The following LARP4 variants were observed in gnomAD, a reference collection of about 807,000 sequenced individuals.
The protein encoded by LARP4 is La ribonucleoprotein 4, also known as la-related protein 4.
Under a neutral mutation model 92.9 loss-of-function variants are expected in LARP4, and 29 were observed. The observed-to-expected ratio is 0.31, with a 90% confidence interval of 0.23 to 0.43. The LOEUF (loss-of-function observed/expected upper bound fraction) is 0.43. Ranked by LOEUF, LARP4 falls within the 20% of genes least tolerant of loss-of-function variation. The pLI is 1.00. For missense variants in LARP4, 732 were observed against 860.0 expected (o/e 0.85, Z 1.86); for synonymous variants, 279 against 284.1 (o/e 0.98, Z 0.18).
chr12:50,410,693 G>A (rs1316196718), intron 1 of LARP4, among the ~76,000 whole-genome samples: 5 of 151,944 alleles, frequency 3.3e-5, no homozygotes, highest in Admixed American at 2.0e-4. Flanking sequence ...CGTGAGCCAC[G>A]GTACCCGGCC....
At chr12:50,410,391 A>C (rs1373846873) in intron 1 of LARP4, among the ~76,000 whole-genome samples, 1 of 151,298 alleles carries the variant, frequency 6.6e-6, no homozygotes, top group East Asian at 1.9e-4. Context: ...GACGTCTATT[A>C]ATACAGGATT....
intron 8 of LARP4, among the ~76,000 whole-genome samples, chr12:50,450,766 G>A (rs1409770745): frequency 6.6e-6 from 1 of 152,164 alleles, no homozygotes; most frequent in Non-Finnish European, 1.5e-5. Context: ...CTCCCAAAGT[G>A]CTAGGATTAC....
chr12:50,462,746 G>A, intron 12 of LARP4, 116 bp downstream of exon 12: 1 of 678,730 alleles, frequency 1.5e-6, no homozygotes, highest in Non-Finnish European at 2.5e-6. Flanking sequence ...CTTCAGCAAA[G>A]GTAAATAGAG....
intron 10 of LARP4, among the ~76,000 whole-genome samples, chr12:50,459,458 T>A (rs1032962990): frequency 6.6e-6 from 1 of 152,194 alleles, no homozygotes; most frequent in African/African-American, 2.4e-5. Context: ...TATCTGTGCT[T>A]TATACATAAA....
At chr12:50,462,521 TGAA>T in intron 11 of LARP4, 58 bp from the exon 12 acceptor site, 1 of 954,170 alleles carries the variant, frequency 1.0e-6, no homozygotes, top group Non-Finnish European at 1.6e-6. Context: ...TGTATATATC[TGAA>T]GAAACTTATG....
At chr12:50,410,104 AG>A (rs1945593081) in intron 1 of LARP4, among the ~76,000 whole-genome samples, 1 of 149,942 alleles carries the variant, frequency 6.7e-6, no homozygotes, top group Non-Finnish European at 1.5e-5. Context: ...AAAAAAAAAA[AG>A]AACTATTTTG....
chr12:50,450,674 A>AT (rs1417412348), intron 8 of LARP4, among the ~76,000 whole-genome samples: 4 of 151,788 alleles, frequency 2.6e-5, no homozygotes, highest in Non-Finnish European at 5.9e-5. Context: ...AATTTTTTGT[A>AT]TTTTTTTAGT....
At chr12:50,450,365 T>C (rs191147790) in intron 8 of LARP4, among the ~76,000 whole-genome samples, 7 of 152,302 alleles carry the variant, frequency 4.6e-5, no homozygotes, top group Admixed American at 3.9e-4. Context: ...GAAATGGTAT[T>C]TTGTGGACCA....
At position 50,479,715 on chromosome 12, in the gene LARP4, C is replaced by T. The variant is rs897383521; in HGVS notation, c.*3851C>T. On this transcript the variant is annotated 3_prime_UTR_variant, in exon 16 of 16. Transcript: ENST00000398473. ...TTATTTTCAGTTTTGCAGCACAGAA[C>T]ACTGTTGAAATATCCATATCAACTT... 3.3e-5 allele frequency: 5 copies of T among 152,138 alleles called. No individual in the cohort carries two copies. Among genetic ancestry groups the T allele is most frequent in the African/African-American group, 1.2e-4 (5 of 41,422 alleles). The allele number at this position is 152,138 out of a possible 1,614,324, so 9.4% of individuals were successfully genotyped here. A position where few individuals can be genotyped will look rare whatever the true frequency, so the allele number is the denominator to read the frequency against.
At chr12:50,407,403 CAT>C (rs2136293005) in intron 1 of LARP4, among the ~76,000 whole-genome samples, 1 of 152,290 alleles carries the variant, frequency 6.6e-6, no homozygotes, top group South Asian at 2.1e-4. Flanking sequence ...TTGTTACTAA[CAT>C]ACTCTGATTT....
At chr12:50,447,859 C>T (rs1432461978) in intron 8 of LARP4, among the ~76,000 whole-genome samples, 1 of 150,496 alleles carries the variant, frequency 6.6e-6, no homozygotes, top group Non-Finnish European at 1.5e-5. Flanking sequence ...CCGCACCACT[C>T]CCCCCCCATT....
rs995593154 is a variant in LARP4, at chr12:50,414,044, A to G, written c.18+13016A>G. On this transcript the variant is annotated intron_variant, in intron 1 of 15. Transcript: ENST00000398473. ...TAGAATTTTTGGATCAAAATTGTGT[A>G]TTTAAGGCTTTTAATAAACATTGCC... is the stretch of plus-strand genomic sequence containing the variant. 3.9e-5 allele frequency among the ~76,000 whole-genome samples: 6 copies of G among 152,278 alleles called. No homozygotes were observed. The East Asian group carries it at 1.2e-3, about 29-fold the overall frequency.
intron 1 of LARP4, among the ~76,000 whole-genome samples, chr12:50,420,539 A>C (rs111271425): frequency 1.3e-5 from 2 of 152,212 alleles, no homozygotes; most frequent in South Asian, 4.1e-4. Flanking sequence ...TAGACTTTTA[A>C]TGATCGTAAA....
chr12:50,429,306 C>T (rs974000412), intron 3 of LARP4, among the ~76,000 whole-genome samples: 95 of 151,964 alleles, frequency 6.3e-4, no homozygotes, highest in African/African-American at 2.2e-3. Flanking sequence ...TAAAGGAAAG[C>T]GTGAAATTAA....
intron 13 of LARP4, among the ~76,000 whole-genome samples, chr12:50,471,531 G>A (rs771339356): frequency 2.0e-5 from 3 of 152,026 alleles, no homozygotes; most frequent in African/African-American, 7.2e-5. Flanking sequence ...AAAGTCTTTC[G>A]AGTGTTTTTT....
chr12:50,459,941 A>G (rs1593340923), intron 10 of LARP4, among the ~76,000 whole-genome samples: 1 of 151,990 alleles, frequency 6.6e-6, no homozygotes, highest in African/African-American at 2.4e-5. Context: ...GTTCAAGACC[A>G]GCCTGGCCAA....
rs577063965 is a variant in LARP4 at position 50,470,495 on chromosome 12, G to A, written c.1546-2920G>A. Among the ~76,000 whole-genome samples the A allele has an allele frequency of 1.3e-4, 19 of 151,198 alleles. 1 individual carries two copies. Among genetic ancestry groups the A allele is most frequent in the African/African-American group, 4.9e-5 (2 of 41,186 alleles). On this transcript the variant is annotated intron_variant, in intron 13 of 15. Transcript: ENST00000398473. ...GTTGCCCAGGCTGGAGTGCAGTGGCGCGATCTCGGCTCACTGCAACCTCCA... is the reference window on the plus strand; with the variant it reads ...GTTGCCCAGGCTGGAGTGCAGTGGCACGATCTCGGCTCACTGCAACCTCCA...
At chr12:50,437,549 T>C (rs2137484845) in intron 5 of LARP4, among the ~76,000 whole-genome samples, 186 bp from the exon 6 acceptor site, 1 of 152,328 alleles carries the variant, frequency 6.6e-6, no homozygotes, top group East Asian at 1.9e-4. Flanking sequence ...CAGTGTTCTT[T>C]ACATACAAAT....
chr12:50,402,881 T>C (rs1375270439), intron 1 of LARP4: 1 of 437,574 alleles, frequency 2.3e-6, no homozygotes, highest in African/African-American at 2.0e-5. Context: ...TTAATCATTT[T>C]CTTTGTGAGT....
Sources: gnomAD v4.1 joint callset for allele counts (sites outside exome capture counted in the v4.1 genomes callset) on GRCh38, gnomAD v4.1.1 for gene constraint, MANE v1.5 for transcripts, NCBI Gene and HGNC (gene_info 2026-07-23, HGNC 2026-07-21) for gene names.